Variants in ROCK2 observed in about 807,000 individuals in gnomAD.
ROCK2 encodes the protein Rho associated coiled-coil containing protein kinase 2.
Under a neutral mutation model 195.1 loss-of-function variants are expected in ROCK2, and 61 were observed. That is an observed-to-expected ratio of 0.31 (90% CI 0.25 to 0.39). ROCK2 has a LOEUF of 0.39. Among genes scored for constraint, ROCK2 ranks in the 10% least tolerant of loss-of-function variants. The pLI is 1.00. For synonymous variants in ROCK2, 504 were observed against 545.5 expected, an observed-to-expected ratio of 0.92 and a Z score of 1.06; for missense variants, 1,109 against 1,637.4, an observed-to-expected ratio of 0.68 and a Z score of 5.57.
chr2:11,205,005 T>G (rs1423463963), intron 20 of ROCK2, among the ~76,000 whole-genome samples: 11 of 152,178 alleles, frequency 7.2e-5, no homozygotes, highest in Admixed American at 3.3e-4. Flanking sequence ...TTAATCTCTA[T>G]GTATGTAGGA....
intron 3 of ROCK2, among the ~76,000 whole-genome samples, chr2:11,265,071 G>A (rs1424662803): frequency 1.3e-5 from 2 of 152,114 alleles, no homozygotes; most frequent in East Asian, 3.8e-4. Context: ...TCTGTACAAT[G>A]GGCATAATAG....
In ROCK2 at chr2:11,235,643, G is replaced by C; in HGVS notation, c.723+59C>G. 6.6e-6 allele frequency: 10 copies of C among 1,511,360 alleles called. No individual in the cohort carries two copies. Among genetic ancestry groups the C allele is most frequent in the Non-Finnish European group, 8.0e-6 (9 of 1,119,156 alleles). The allele number at this position is 1,511,360 out of a possible 1,614,324, so 93.6% of individuals were successfully genotyped here. ...CAAAACTATGAAGACCTGACTTAAA[G>C]TATTTCATTTATTTCTGTCCCTCAA... On this transcript the variant is annotated intron_variant, in intron 5 of 32. Coordinates refer to ENST00000315872, the MANE Select transcript of ROCK2 (RefSeq NM_004850.5). This position sits in a 1 kb window ranked among gnomAD's most constrained non-coding sequence, Gnocchi z 4.2.
intron 32 of ROCK2, among the ~76,000 whole-genome samples, chr2:11,187,389 T>TTAAG (rs1264640986): frequency 2.0e-5 from 3 of 152,246 alleles, no homozygotes; most frequent in Admixed American, 6.5e-5. Context: ...TGTTAGTCAC[T>TTAAG]TACTAATGGT....
chr2:11,251,481 C>T (rs1253195224), intron 3 of ROCK2, among the ~76,000 whole-genome samples: 1 of 152,112 alleles, frequency 6.6e-6, no homozygotes, highest in East Asian at 1.9e-4. Context: ...TCAAACTGCC[C>T]AAGGGCTATA....
At chr2:11,236,168 T>C (rs975361069) in intron 4 of ROCK2, among the ~76,000 whole-genome samples, 1 of 152,118 alleles carries the variant, frequency 6.6e-6, no homozygotes, top group Non-Finnish European at 1.5e-5. Flanking sequence ...GGGTACCTTA[T>C]TCAAGCATAA....
chr2:11,202,846 T>C (rs936644508), intron 20 of ROCK2, among the ~76,000 whole-genome samples: 1 of 152,170 alleles, frequency 6.6e-6, no homozygotes, highest in Non-Finnish European at 1.5e-5. Context: ...AGACCAGTGT[T>C]ATACTAAATC....
intron 1 of ROCK2, among the ~76,000 whole-genome samples, chr2:11,336,378 C>A (rs976767806): frequency 1.2e-4 from 18 of 152,130 alleles, no homozygotes; most frequent in African/African-American, 4.3e-4. Flanking sequence ...GCCTCCTGGG[C>A]AGCTAGGATC....
chr2:11,295,989 A>AGAGAGAGAGAGG (rs1329784247), intron 1 of ROCK2, among the ~76,000 whole-genome samples: 7 of 23,438 alleles, frequency 3.0e-4, no homozygotes, highest in Non-Finnish European at 6.7e-4. Context: ...AGAGAGAGAG[A>AGAGAGAGAGAGG]GGAGAGAGAG....
At chr2:11,288,755 G>A (rs1667275813) in intron 1 of ROCK2, among the ~76,000 whole-genome samples, 1 of 150,378 alleles carries the variant, frequency 6.6e-6, no homozygotes, top group African/African-American at 2.4e-5. Flanking sequence ...GGAAAACATG[G>A]GGAAAATTAC....
intron 1 of ROCK2, among the ~76,000 whole-genome samples, chr2:11,331,705 T>TC (rs1406315103): frequency 6.6e-6 from 1 of 152,004 alleles, no homozygotes; most frequent in Non-Finnish European, 1.5e-5. Flanking sequence ...GGCGGGTGGA[T>TC]CACGAGGTCA....
intron 30 of ROCK2, among the ~76,000 whole-genome samples, chr2:11,193,313 T>C (rs951426504): frequency 1.3e-5 from 2 of 152,158 alleles, no homozygotes; most frequent in Non-Finnish European, 2.9e-5. Context: ...CAGTAAGTCA[T>C]TGTTGGTTTG....
At chr2:11,338,510 CTT>C (rs1242347732) in intron 1 of ROCK2, among the ~76,000 whole-genome samples, 7 of 152,010 alleles carry the variant, frequency 4.6e-5, no homozygotes, top group African/African-American at 7.3e-5. Flanking sequence ...CTAGAGATGA[CTT>C]AAAGTATATG....
At chr2:11,244,299 T>A (rs1665535199) in intron 4 of ROCK2, among the ~76,000 whole-genome samples, 1 of 152,210 alleles carries the variant, frequency 6.6e-6, no homozygotes, top group South Asian at 2.1e-4. Context: ...ATATTTACCA[T>A]CTGGCCCTTT....
chr2:11,277,490 T>C (rs75753559), intron 3 of ROCK2, among the ~76,000 whole-genome samples: 11,497 of 152,192 alleles, frequency 0.076, 645 homozygotes, highest in African/African-American at 0.16. Flanking sequence ...CCTCCAATCA[T>C]TCCCCTCAAG....
chr2:11,320,347 T>G (rs1398686684), intron 1 of ROCK2, among the ~76,000 whole-genome samples: 1 of 152,198 alleles, frequency 6.6e-6, no homozygotes, highest in Non-Finnish European at 1.5e-5. Context: ...TTCAATATTC[T>G]TTACCCACTA....
At chr2:11,240,806 A>G (rs1442477995) in intron 4 of ROCK2, among the ~76,000 whole-genome samples, 4 of 152,274 alleles carry the variant, frequency 2.6e-5, no homozygotes, top group African/African-American at 9.6e-5. Flanking sequence ...TTGTCTTACA[A>G]AGGTATAAAA....
chr2:11,219,590 G>T (rs1049391697), intron 9 of ROCK2, among the ~76,000 whole-genome samples: 1 of 151,910 alleles, frequency 6.6e-6, no homozygotes, highest in African/African-American at 2.4e-5. Context: ...CTTTAATTTT[G>T]TTTGCACCAG....
intron 3 of ROCK2, among the ~76,000 whole-genome samples, chr2:11,253,611 A>C (rs560452408): frequency 2.6e-5 from 4 of 152,362 alleles, no homozygotes; most frequent in African/African-American, 9.6e-5. Flanking sequence ...TAAATTCAAC[A>C]AGGATGGGGA....
In ROCK2 at chr2:11,208,307, T is replaced by G. The variant is rs374045267; in HGVS notation, c.2344A>C (p.Lys782Gln). The part of the protein sequence containing the change: ...QQKINELLKQ[K>Q]DVLNEDVRNL... ...CTTACATCCTCATTTAGCACATCTT[T>G]CTGTTTAAGGAGCTCATTTATTTTC... is the stretch of plus-strand genomic sequence containing the variant. Residue 782 changes from lysine to glutamine, a missense_variant, in exon 19 of 33, where the codon AAA (lysine) becomes CAA (glutamine). Physicochemically the swap from Lys to Gln is moderately conservative, Grantham distance 53. Transcript: ENST00000315872. 6.9e-7 allele frequency: 1 copy of G among 1,454,956 alleles called. No individual in the cohort carries two copies. The highest frequency in any genetic ancestry group is 2.4e-5 in the East Asian group (1 of 41,100). The allele number at this position is 1,454,956 out of a possible 1,614,324, so 90.1% of individuals were successfully genotyped here.
Sources: allele counts gnomAD v4.1 joint callset (sites outside exome capture counted in the v4.1 genomes callset), GRCh38; gene constraint gnomAD v4.1.1; non-coding constraint Gnocchi (gnomAD v3.1); transcripts MANE v1.5; gene names NCBI Gene and HGNC (gene_info 2026-07-23, HGNC 2026-07-21).